WDR25: variants seen among roughly 807,000 people sequenced by gnomAD.
WDR25 encodes the protein WD repeat-containing protein 25.
WDR25 carries 35 observed loss-of-function variants against 47.7 expected under a neutral mutation model. The observed-to-expected ratio is 0.73, with a 90% CI of 0.56 to 0.97. WDR25 has a LOEUF of 0.97. Ranked by LOEUF, WDR25 falls within the 50% of genes least tolerant of loss-of-function variation. The pLI is 0.00. For synonymous variants in WDR25, 248 were observed against 278.9 expected (o/e 0.89, Z 1.10); for missense variants, 634 against 704.7 (o/e 0.90, Z 1.14).
chr14:100,529,456 G>T lies in WDR25; in HGVS notation c.1413+248G>T, dbSNP rs7493442. 2.3e-5 allele frequency: 14 copies of T among 615,438 alleles called. No homozygotes were observed. In the Admixed American group the frequency reaches 3.0e-4, roughly 13 times the overall value. The allele number at this position is 615,438 out of a possible 1,614,324, so 38.1% of individuals were successfully genotyped here. A position where few individuals can be genotyped will look rare whatever the true frequency, so the allele number is the denominator to read the frequency against. On this transcript the variant is annotated intron_variant, in intron 6 of 6. Coordinates refer to ENST00000402312, the MANE Select transcript of WDR25 (RefSeq NM_001161476.3). This position sits in a 1 kb window ranked among gnomAD's most constrained non-coding sequence, Gnocchi z 5.1. ...GCTCACACAGACAGGTCTCAGAAGT[G>T]GGGGGCAGGAACAGGACAAAATGGT...
intron 2 of WDR25, among the ~76,000 whole-genome samples, chr14:100,426,383 A>C (rs1898168720): frequency 6.6e-6 from 1 of 152,256 alleles, no homozygotes; most frequent in Non-Finnish European, 1.5e-5. Flanking sequence ...AACTGTGGGC[A>C]TCTGTTTGAC....
rs548386363 is a variant in WDR25, at chr14:100,418,631, G to C, written c.822+36885G>C. Among the ~76,000 whole-genome samples the C allele has an allele frequency of 6.3e-4, 79 of 124,478 alleles. 1 individual carries two copies. In the South Asian group the frequency reaches 0.028, roughly 44 times the overall value. The allele number at this position is 124,478 out of a possible 152,430, so 81.7% of individuals were successfully genotyped here. A position where few individuals can be genotyped will look rare whatever the true frequency, so the allele number is the denominator to read the frequency against. ...TAGCCTGGCGACTGAGCGAGACTCCGTCTCAAAAAAAAAAAAAAGGTGAAA... is the reference window on the plus strand; with the variant it reads ...TAGCCTGGCGACTGAGCGAGACTCCCTCTCAAAAAAAAAAAAAAGGTGAAA... On this transcript the variant is annotated intron_variant, in intron 2 of 6. Transcript: ENST00000402312.
intron 2 of WDR25, among the ~76,000 whole-genome samples, chr14:100,433,097 CTG>C (rs1898391108): frequency 6.6e-6 from 1 of 152,252 alleles, no homozygotes; most frequent in Admixed American, 6.5e-5. Flanking sequence ...CAGCACATGA[CTG>C]TATTATCTAC....
At chr14:100,381,883 G>C in intron 2 of WDR25, 137 bp downstream of exon 2, 1 of 753,150 alleles carries the variant, frequency 1.3e-6, no homozygotes, top group Non-Finnish European at 2.1e-6. Flanking sequence ...TTGCATTCCA[G>C]AAAGGGTCAT....
chr14:100,485,870 G>A (rs1900365756), intron 4 of WDR25, among the ~76,000 whole-genome samples: 1 of 152,138 alleles, frequency 6.6e-6, no homozygotes, highest in South Asian at 2.1e-4. Context: ...TTTCTTGACA[G>A]AGAATGGGAA....
intron 2 of WDR25, among the ~76,000 whole-genome samples, chr14:100,456,936 A>G (rs894118720): frequency 1.3e-5 from 2 of 152,192 alleles, no homozygotes; most frequent in East Asian, 3.8e-4. Context: ...ACCAAGGTAT[A>G]TTATAATGAA....
rs1288525295 is a variant in WDR25, at chr14:100,381,652, G to A, written c.728G>A (p.Arg243Lys). Residue 243 changes from arginine (R) to lysine (K), a missense_variant, in exon 2 of 7, where the codon AGA becomes AAA. Coordinates refer to ENST00000402312, the MANE Select transcript of WDR25 (RefSeq NM_001161476.3). ...CCCCGGAAAGTGCTTTTCCACCTGAGAGGCCACAGGGGCCCTGTCAACACC... is the reference window on the plus strand; with the variant it reads ...CCCCGGAAAGTGCTTTTCCACCTGAAAGGCCACAGGGGCCCTGTCAACACC... Reference protein sequence around the residue: ...TVPRKVLFHLRGHRGPVNTIQ... With the variant: ...TVPRKVLFHLKGHRGPVNTIQ... 15 of 1,614,090 alleles carry A rather than the reference G, an allele frequency of 9.3e-6. No homozygotes were observed. Among genetic ancestry groups the A allele is most frequent in the Non-Finnish European group, 1.2e-5 (14 of 1,180,048 alleles).
intron 5 of WDR25, among the ~76,000 whole-genome samples, chr14:100,528,263 G>A (rs532197420): frequency 8.5e-5 from 13 of 152,238 alleles, no homozygotes; most frequent in African/African-American, 2.4e-4. Flanking sequence ...TGTTGGCAGG[G>A]TGTGCTCCCT....
chr14:100,468,158 C>T lies in WDR25; in HGVS notation c.960C>T (p.Asp320=). The T allele has an allele frequency of 6.2e-7, 1 of 1,612,118 alleles. No homozygotes were observed. The highest frequency in any genetic ancestry group is 8.5e-7 in the Non-Finnish European group (1 of 1,179,152). Residue 320 remains aspartate (D), a synonymous_variant, in exon 3 of 7, where the codon GAC becomes GAT. Coordinates refer to ENST00000402312, the MANE Select transcript of WDR25 (RefSeq NM_001161476.3). The surrounding 1 kb of genome is among the most constrained non-coding windows in gnomAD (Gnocchi z 4.5). The stretch of plus-strand genomic sequence containing the variant: ...TTGACTTCGCGCTGCACCTAACAGA[C>T]CTTGAAACAGGTGCGTTTCTTGTGT... ...GGFDFALHLT[D]LETGTQLFSG... is the part of the protein sequence containing the mutation.
chr14:100,411,090 T>A (rs1455994192), intron 2 of WDR25, among the ~76,000 whole-genome samples: 5 of 152,144 alleles, frequency 3.3e-5, no homozygotes, highest in Non-Finnish European at 7.3e-5. Flanking sequence ...GCAAAGCAGA[T>A]CTTTTGATAC....
intron 2 of WDR25, among the ~76,000 whole-genome samples, chr14:100,399,146 G>A (rs1414279650): frequency 2.0e-5 from 3 of 150,486 alleles, no homozygotes; most frequent in Non-Finnish European, 4.4e-5. Context: ...TTGGGCTAAT[G>A]TTGACATTAG....
intron 1 of WDR25, among the ~76,000 whole-genome samples, chr14:100,377,787 G>T (rs1896752030): frequency 1.3e-5 from 2 of 152,166 alleles, no homozygotes; most frequent in South Asian, 4.1e-4. Context: ...GTGTGGAAGA[G>T]GTTGGGTGGT....
chr14:100,453,722 C>T (rs957662514), intron 2 of WDR25, among the ~76,000 whole-genome samples: 2 of 152,196 alleles, frequency 1.3e-5, no homozygotes, highest in Admixed American at 6.5e-5. Flanking sequence ...TCCCACTCTG[C>T]GAAGTGGGTG....
intron 2 of WDR25, among the ~76,000 whole-genome samples, chr14:100,394,748 C>T (rs566658934): frequency 3.3e-5 from 5 of 152,204 alleles, no homozygotes; most frequent in Non-Finnish European, 4.4e-5. Context: ...AGGGGAAGGA[C>T]GAGTTGGGTC....
At position 100,525,063 on chromosome 14, in the gene WDR25, T is replaced by C. The variant is rs1307995941; in HGVS notation, c.1102-807T>C. Among the ~76,000 whole-genome samples the C allele has an allele frequency of 1.3e-5, 2 of 152,182 alleles. No individual in the cohort carries two copies. The highest frequency in any genetic ancestry group is 4.8e-5 in the African/African-American group (2 of 41,442). ...ACTGGTAAAGGGACCGGCCGGCCCC[T>C]GCGACCAACTTGAGACCTTGCTGCG... On this transcript the variant is annotated intron_variant, in intron 4 of 6. Coordinates refer to ENST00000402312, the MANE Select transcript of WDR25 (RefSeq NM_001161476.3). This position sits in a 1 kb window ranked among gnomAD's most constrained non-coding sequence, Gnocchi z 4.6.
chr14:100,495,749 A>C (rs1190018509), intron 4 of WDR25, among the ~76,000 whole-genome samples: 1 of 152,200 alleles, frequency 6.6e-6, no homozygotes, highest in African/African-American at 2.4e-5. Flanking sequence ...ACTTGCTAGG[A>C]CAGAGTTTTG....
rs1230858747 is a variant in WDR25 at position 100,488,270 on chromosome 14, T to C, written c.1101+4146T>C. Among the ~76,000 whole-genome samples, 3 of 152,180 alleles carry C rather than the reference T, an allele frequency of 2.0e-5. No individual in the cohort carries two copies. The highest frequency in any genetic ancestry group is 7.2e-5 in the African/African-American group (3 of 41,456). ...TTACTTGAAACTGGCTTCCTGCCGC[T>C]GCTGCAGCATCCTCTGACCCCTCTT... On this transcript the variant is annotated intron_variant, in intron 4 of 6. Transcript: ENST00000402312. This position sits in a 1 kb window ranked among gnomAD's most constrained non-coding sequence, Gnocchi z 4.2.
chr14:100,483,654 C>CT (rs1900281155), intron 3 of WDR25, among the ~76,000 whole-genome samples: 1 of 152,168 alleles, frequency 6.6e-6, no homozygotes, highest in Admixed American at 6.5e-5. Context: ...TGGTTTTTGG[C>CT]TGTTAGGTGG....
intron 4 of WDR25, among the ~76,000 whole-genome samples, chr14:100,514,410 T>G (rs1298428108): frequency 6.6e-6 from 1 of 152,152 alleles, no homozygotes; most frequent in African/African-American, 2.4e-5. Context: ...GGTTTAAATC[T>G]GCTACCTTGC....
Sources: allele counts gnomAD v4.1 joint callset (sites outside exome capture counted in the v4.1 genomes callset), GRCh38; gene constraint gnomAD v4.1.1; non-coding constraint Gnocchi (gnomAD v3.1); transcripts MANE v1.5; gene names NCBI Gene and HGNC (gene_info 2026-07-23, HGNC 2026-07-21).